The following CNTNAP2 variants were observed in gnomAD, a reference collection of about 807,000 sequenced individuals.
The protein encoded by CNTNAP2 is contactin associated protein 2.
CNTNAP2 carries 98 observed loss-of-function variants against 155.2 expected under a neutral mutation model. The observed-to-expected ratio is 0.63, with a 90% confidence interval of 0.54 to 0.75. The LOEUF is 0.75. Ranked by LOEUF, CNTNAP2 falls within the 30% of genes least tolerant of loss-of-function variation. The pLI, the probability that CNTNAP2 is intolerant of heterozygous loss-of-function variation, is 0.00. For synonymous variants in CNTNAP2, 651 were observed against 631.2 expected (o/e 1.03, Z -0.47); for missense variants, 1,727 against 1,688.1 (o/e 1.02, Z -0.40).
intron 1 of CNTNAP2, among the ~76,000 whole-genome samples, chr7:146,288,793 A>AT (rs757136036): frequency 0.04 from 4,014 of 100,002 alleles, 511 homozygotes; most frequent in African/African-American, 0.1. Flanking sequence ...AAAATTAGTA[A>AT]TTTTTTTTTT....
At chr7:146,741,946 T>C (rs1801724593) in intron 1 of CNTNAP2, among the ~76,000 whole-genome samples, 2 of 152,062 alleles carry the variant, frequency 1.3e-5, no homozygotes, top group South Asian at 2.1e-4. Flanking sequence ...AATCCAGGCA[T>C]GAAGTGATTA....
At chr7:146,915,379 T>C (rs913492429) in intron 3 of CNTNAP2, among the ~76,000 whole-genome samples, 6 of 152,158 alleles carry the variant, frequency 3.9e-5, no homozygotes, top group Non-Finnish European at 7.4e-5. Flanking sequence ...GGAAATTGCA[T>C]TGAATTTGTA....
intron 13 of CNTNAP2, among the ~76,000 whole-genome samples, chr7:147,702,911 G>C (rs550428703): frequency 6.6e-6 from 1 of 152,186 alleles, no homozygotes; most frequent in South Asian, 2.1e-4. Flanking sequence ...CCTGCTTGTA[G>C]CAATGAAACT....
chr7:147,549,845 G>C (rs1183313206), intron 11 of CNTNAP2, among the ~76,000 whole-genome samples: 1 of 152,006 alleles, frequency 6.6e-6, no homozygotes, highest in East Asian at 1.9e-4. Flanking sequence ...CATACACCCT[G>C]GAATCAGAGC....
chr7:147,600,784 A>G (rs1303854493), intron 12 of CNTNAP2, among the ~76,000 whole-genome samples: 1 of 150,864 alleles, frequency 6.6e-6, no homozygotes, highest in Non-Finnish European at 1.5e-5. Flanking sequence ...TCCCCCTCCT[A>G]CTACTATGTC....
In CNTNAP2 at chr7:148,352,936, G is replaced by A. The variant is rs867105198; in HGVS notation, c.3476-30713G>A. On this transcript the variant is annotated intron_variant, in intron 21 of 23. Transcript: ENST00000361727. ...CAAAGTCCCCTGGCCTGTACCTCAA[G>A]TGATTCCATCAGTTACCTTGTCTTC... Among the ~76,000 whole-genome samples, 4 of 152,290 alleles carry A rather than the reference G, an allele frequency of 2.6e-5. 1 individual carries two copies. Among genetic ancestry groups the A allele is most frequent in the Middle Eastern group, 6.8e-3 (2 of 294 alleles).
At chr7:147,998,518 A>G (rs1328839422) in intron 15 of CNTNAP2, among the ~76,000 whole-genome samples, 1 of 152,200 alleles carries the variant, frequency 6.6e-6, no homozygotes, top group African/African-American at 2.4e-5. Flanking sequence ...CTATTTCAGG[A>G]TAAGTTAGAG....
intron 1 of CNTNAP2, among the ~76,000 whole-genome samples, chr7:146,653,194 G>A (rs1410532535): frequency 2.6e-5 from 4 of 152,098 alleles, no homozygotes; most frequent in Non-Finnish European, 5.9e-5. Context: ...AACTCCTCGA[G>A]TCACAGAGAA....
At chr7:147,417,131 A>G (rs979139635) in intron 10 of CNTNAP2, among the ~76,000 whole-genome samples, 1 of 151,862 alleles carries the variant, frequency 6.6e-6, no homozygotes, top group Admixed American at 6.6e-5. Context: ...CTGCATATTC[A>G]TTATCATCTT....
At chr7:147,863,552 T>G (rs780811349) in intron 13 of CNTNAP2, among the ~76,000 whole-genome samples, 5 of 152,234 alleles carry the variant, frequency 3.3e-5, no homozygotes, top group Non-Finnish European at 7.3e-5. Flanking sequence ...ACCAACAGTG[T>G]AAAAGCATTT....
intron 1 of CNTNAP2, among the ~76,000 whole-genome samples, chr7:146,146,455 A>T (rs1269986520): frequency 6.6e-6 from 1 of 152,146 alleles, no homozygotes; most frequent in Admixed American, 6.6e-5. Context: ...TTAATTCAAT[A>T]ATGTAGGCCT....
At chr7:147,247,518 CA>C (rs1262502760) in intron 8 of CNTNAP2, among the ~76,000 whole-genome samples, 1 of 152,126 alleles carries the variant, frequency 6.6e-6, no homozygotes, top group Non-Finnish European at 1.5e-5. Flanking sequence ...TTCATTCAAT[CA>C]GTTGTTTTTA....
intron 8 of CNTNAP2, among the ~76,000 whole-genome samples, chr7:147,250,037 C>G (rs547181310): frequency 6.6e-6 from 1 of 152,146 alleles, no homozygotes; most frequent in South Asian, 2.1e-4. Context: ...ACATCAGAAT[C>G]ACCTGGAAAC....
intron 1 of CNTNAP2, among the ~76,000 whole-genome samples, chr7:146,703,070 A>G (rs1322750753): frequency 6.6e-6 from 1 of 152,162 alleles, no homozygotes; most frequent in African/African-American, 2.4e-5. Flanking sequence ...TAAATTCTTA[A>G]CCCATTAAAG....
chr7:147,787,150 T>A (rs1257839045), intron 13 of CNTNAP2, among the ~76,000 whole-genome samples: 1 of 152,194 alleles, frequency 6.6e-6, no homozygotes, highest in Admixed American at 6.5e-5. Flanking sequence ...CCTGCAGGTG[T>A]GCGCTTTCAC....
intron 1 of CNTNAP2, among the ~76,000 whole-genome samples, chr7:146,154,357 A>G (rs1798094328): frequency 6.6e-6 from 1 of 152,136 alleles, no homozygotes; most frequent in Non-Finnish European, 1.5e-5. Context: ...TAATTCTACA[A>G]GCTATACAGT....
At chr7:146,323,924 A>T (rs1043301033) in intron 1 of CNTNAP2, among the ~76,000 whole-genome samples, 2 of 152,152 alleles carry the variant, frequency 1.3e-5, no homozygotes, top group Non-Finnish European at 2.9e-5. Context: ...CTTTGATGTA[A>T]TGGACATCCC....
At chr7:147,315,516 C>T (rs910566920) in intron 9 of CNTNAP2, among the ~76,000 whole-genome samples, 15 of 134,658 alleles carry the variant, frequency 1.1e-4, no homozygotes, top group African/African-American at 3.6e-4. Flanking sequence ...GAGTCTTGCT[C>T]TGTCCCCCAG....
chr7:147,975,654 T>C (rs775643971), intron 14 of CNTNAP2, among the ~76,000 whole-genome samples: 1 of 152,098 alleles, frequency 6.6e-6, no homozygotes, highest in East Asian at 1.9e-4. Context: ...AATTTAAAAA[T>C]TTATTATTAA....
Sources: allele counts gnomAD v4.1 joint callset (sites outside exome capture counted in the v4.1 genomes callset), GRCh38; gene constraint gnomAD v4.1.1; transcripts MANE v1.5; gene names NCBI Gene and HGNC (gene_info 2026-07-23, HGNC 2026-07-21).